FUBP3: variants seen among roughly 807,000 people sequenced by gnomAD.
The protein encoded by FUBP3 is far upstream element-binding protein 3.
FUBP3 carries 28 observed loss-of-function variants against 85.6 expected under a neutral mutation model. The ratio of observed to expected loss-of-function variants is 0.33; its 90% CI spans 0.24 to 0.45. FUBP3 has a LOEUF of 0.45. Among genes scored for constraint, FUBP3 ranks in the 20% least tolerant of loss-of-function variants. FUBP3 has a pLI of 1.00. For missense variants in FUBP3, 583 were observed against 755.1 expected (o/e 0.77, Z 2.67); for synonymous variants, 271 against 271.4 (o/e 1.00, Z 0.01).
intron 2 of FUBP3, among the ~76,000 whole-genome samples, chr9:130,606,548 C>A (rs145920874): frequency 9.2e-5 from 14 of 152,042 alleles, no homozygotes; most frequent in East Asian, 5.8e-4. Context: ...TGGCCGGGCG[C>A]GGTGGCTCAC....
At chr9:130,595,119 G>T (rs1267692368) in intron 1 of FUBP3, among the ~76,000 whole-genome samples, 1 of 151,500 alleles carries the variant, frequency 6.6e-6, no homozygotes, top group Non-Finnish European at 1.5e-5. Context: ...CCAGCTACTT[G>T]GGAAGTCGAG....
chr9:130,596,816 G>A (rs1194382605), intron 2 of FUBP3, among the ~76,000 whole-genome samples: 4 of 152,064 alleles, frequency 2.6e-5, no homozygotes, highest in African/African-American at 7.2e-5. Flanking sequence ...TATTTATGGG[G>A]TACATGAGAT....
At chr9:130,603,439 C>T (rs1219285646) in intron 2 of FUBP3, among the ~76,000 whole-genome samples, 5 of 151,904 alleles carry the variant, frequency 3.3e-5, no homozygotes, top group Non-Finnish European at 7.4e-5. Context: ...GTGCCCTACC[C>T]CCCTACCTCA....
At chr9:130,631,906 GGC>G (rs1830227340) in intron 14 of FUBP3, 34 bp from the exon 15 acceptor site, 1 of 1,464,256 alleles carries the variant, frequency 6.8e-7, no homozygotes, top group Admixed American at 1.7e-5. Context: ...TCTGTTGTGA[GGC>G]GCTCAGTCTG....
At chr9:130,585,497 C>T (rs758881154) in intron 1 of FUBP3, among the ~76,000 whole-genome samples, 1 of 152,102 alleles carries the variant, frequency 6.6e-6, no homozygotes, top group Non-Finnish European at 1.5e-5. Context: ...GTTGGGCTTT[C>T]CTAGCATTTG....
intron 1 of FUBP3, among the ~76,000 whole-genome samples, chr9:130,590,707 C>T (rs1830587394): frequency 6.6e-6 from 1 of 152,150 alleles, no homozygotes; most frequent in African/African-American, 2.4e-5. Flanking sequence ...ATTGCTTGGG[C>T]TCTGTGCACT....
intron 14 of FUBP3, 83 bp from the exon 15 acceptor site, chr9:130,631,859 C>T: frequency 9.4e-7 from 1 of 1,064,366 alleles, no homozygotes; most frequent in Non-Finnish European, 1.5e-6. Context: ...CCGACTGCCC[C>T]CTCAGTGCCC....
At chr9:130,588,984 G>C (rs985421340) in intron 1 of FUBP3, among the ~76,000 whole-genome samples, 12 of 152,158 alleles carry the variant, frequency 7.9e-5, no homozygotes, top group Non-Finnish European at 1.5e-4. Flanking sequence ...CCACACCCTC[G>C]ATGCTGGTGT....
At chr9:130,620,545 A>G (rs1325491156) in intron 9 of FUBP3, 87 bp downstream of exon 9, 3 of 612,358 alleles carry the variant, frequency 4.9e-6, no homozygotes, top group Non-Finnish European at 8.5e-6. Flanking sequence ...ACCCTGAGCA[A>G]GTTAGTTAAG....
At chr9:130,622,673 A>C (rs367775349) in intron 9 of FUBP3, 35 bp from the exon 10 acceptor site, 77 of 1,063,454 alleles carry the variant, frequency 7.2e-5, no homozygotes, top group Non-Finnish European at 9.9e-5. Context: ...AGGTTTGTGA[A>C]AAGTTCTGAT....
intron 2 of FUBP3, among the ~76,000 whole-genome samples, chr9:130,605,325 C>G (rs1380027871): frequency 1.3e-5 from 2 of 152,202 alleles, no homozygotes; most frequent in African/African-American, 4.8e-5. Context: ...GGTCCTGTCA[C>G]AGTGCTCAGC....
rs1830384608 is a variant in FUBP3, at chr9:130,635,586, C to G, written c.1583-413C>G. Among the ~76,000 whole-genome samples, 1 of 152,170 alleles carries G rather than the reference C, an allele frequency of 6.6e-6. No individual in the cohort carries two copies. Among genetic ancestry groups the G allele is most frequent in the Admixed American group, 6.5e-5 (1 of 15,280 alleles). On this transcript the variant is annotated intron_variant, in intron 17 of 18. Transcript: ENST00000319725. This position sits in a 1 kb window ranked among gnomAD's most constrained non-coding sequence, Gnocchi z 4.3. ...CCAGTCTTCCCCAAATCCCAATTCC[C>G]AGACCCCTGGGCCTGTGTTGAAGCT...
At chr9:130,619,953 TG>T (rs1829672275) in intron 8 of FUBP3, among the ~76,000 whole-genome samples, 1 of 152,220 alleles carries the variant, frequency 6.6e-6, no homozygotes, top group South Asian at 2.1e-4. Flanking sequence ...CTGCCCTCAG[TG>T]GGCGCTCTTA....
Position 130,633,703 on chromosome 9 carries a change from G to C in FUBP3, c.1511-964G>C, listed in dbSNP as rs77055321. Among the ~76,000 whole-genome samples the C allele has an allele frequency of 5.8e-4, 88 of 152,368 alleles. 1 individual carries two copies. The East Asian group carries it at 0.016, about 28-fold the overall frequency. ...GCTTGCCGGCGCCCTCCGCGTCCGA[G>C]GGAAGAGTGTTTGCTGCCTGTGTCC... On this transcript the variant is annotated intron_variant, in intron 16 of 18. Transcript: ENST00000319725.
In FUBP3 at chr9:130,626,511, A is replaced by G. The variant is rs1489271312; in HGVS notation, c.1117+6A>G. The G allele has an allele frequency of 6.2e-7, 1 of 1,613,392 alleles. No homozygotes were observed. The highest frequency in any genetic ancestry group is 8.5e-7 in the Non-Finnish European group (1 of 1,179,424). ...TGGCCTCGTCATAGGCAAAGGTAAGAGGCAGCTGGGGTTTCACATCCCCCC... is the reference window on the plus strand; with the variant it reads ...TGGCCTCGTCATAGGCAAAGGTAAGGGGCAGCTGGGGTTTCACATCCCCCC... On this transcript the variant is annotated splice_donor_region_variant and intron_variant, in intron 12 of 18. Coordinates refer to ENST00000319725, the MANE Select transcript of FUBP3 (RefSeq NM_003934.2).
At chr9:130,636,338 G>A in intron 18 of FUBP3, 1 of 668,316 alleles carries the variant, frequency 1.5e-6, no homozygotes, top group Non-Finnish European at 2.7e-6. Flanking sequence ...GGCCAAGTGG[G>A]AGGATTGGGG....
At position 130,635,865 on chromosome 9, in the gene FUBP3, T is replaced by A; in HGVS notation, c.1583-134T>A. 1 of 864,140 alleles carries A rather than the reference T, an allele frequency of 1.2e-6. No individual in the cohort carries two copies. Among genetic ancestry groups the A allele is most frequent in the Non-Finnish European group, 1.8e-6 (1 of 554,152 alleles). 53.5% of individuals were successfully genotyped at this position (864,140 alleles called of 1,614,324 possible). A position where few individuals can be genotyped will look rare whatever the true frequency, so the allele number is the denominator to read the frequency against. On this transcript the variant is annotated intron_variant, in intron 17 of 18. Transcript: ENST00000319725. This position sits in a 1 kb window ranked among gnomAD's most constrained non-coding sequence, Gnocchi z 4.3. ...AGCAAGCGCTCCTGCAACACCAGCC[T>A]CACCTCACTGCCTCCCAGACCTCCC...
intron 9 of FUBP3, 29 bp from the exon 10 acceptor site, chr9:130,622,679 C>G: frequency 9.2e-7 from 1 of 1,087,262 alleles, no homozygotes; most frequent in Non-Finnish European, 1.4e-6. Context: ...GTGAAAAGTT[C>G]TGATGTGGTT....
chr9:130,585,403 T>C (rs901872451), intron 1 of FUBP3, among the ~76,000 whole-genome samples: 2 of 152,240 alleles, frequency 1.3e-5, no homozygotes, highest in African/African-American at 4.8e-5. Context: ...CTCTGGTTTT[T>C]ATTTGAAATT....
Sources: allele counts gnomAD v4.1 joint callset (sites outside exome capture counted in the v4.1 genomes callset), GRCh38; gene constraint gnomAD v4.1.1; non-coding constraint Gnocchi (gnomAD v3.1); transcripts MANE v1.5; gene names NCBI Gene and HGNC (gene_info 2026-07-23, HGNC 2026-07-21).